The following SH3BGRL2 variants were observed in gnomAD, a reference collection of about 807,000 sequenced individuals.
SH3BGRL2 encodes SH3 domain-binding glutamic acid-rich-like protein 2.
In SH3BGRL2, 21 loss-of-function variants were observed where a neutral mutation model predicts 14.8. The observed-to-expected ratio is 1.42, with a 90% CI of 1.01 to 2.05. The LOEUF (loss-of-function observed/expected upper bound fraction) is 2.05, where lower values mean the gene tolerates loss of function less well. Ranked by LOEUF, SH3BGRL2 falls within the 30% of genes most tolerant of loss-of-function variation. The pLI, the probability that SH3BGRL2 is intolerant of heterozygous loss-of-function variation, is 0.00. For missense variants in SH3BGRL2, 147 were observed against 130.8 expected (o/e 1.12, Z -0.61); for synonymous variants, 50 against 47.8 (o/e 1.05, Z -0.19).
the SH3BGRL2 span, among the ~76,000 whole-genome samples, chr6:79,593,700 G>A: frequency 1.3e-5 from 2 of 152,174 alleles, no homozygotes; most frequent in African/African-American, 4.8e-5. Flanking sequence ...CATGGAAGCT[G>A]TGTGTTCTGA....
chr6:79,544,903 A>G, the SH3BGRL2 span, among the ~76,000 whole-genome samples: 2 of 152,236 alleles, frequency 1.3e-5, no homozygotes, highest in Admixed American at 6.5e-5. Flanking sequence ...TTAAATGTTT[A>G]AACTTTTAAA....
intron 2 of SH3BGRL2, among the ~76,000 whole-genome samples, chr6:79,695,874 C>G (rs1447561993): frequency 6.6e-6 from 1 of 152,116 alleles, no homozygotes; most frequent in African/African-American, 2.4e-5. Flanking sequence ...TCCTTGATGC[C>G]TTCTTGTGAA....
chr6:79,695,867 T>C (rs960830447), intron 2 of SH3BGRL2, among the ~76,000 whole-genome samples: 3 of 152,216 alleles, frequency 2.0e-5, no homozygotes, highest in African/African-American at 7.2e-5. Context: ...CCAGAATTCC[T>C]TGATGCCTTC....
the SH3BGRL2 span, among the ~76,000 whole-genome samples, chr6:79,607,945 C>CA: frequency 4.6e-5 from 7 of 151,228 alleles, no homozygotes; most frequent in East Asian, 1.9e-4. Context: ...GACTCCATCT[C>CA]AAAAAAAAGA....
rs146352272 is a variant in SH3BGRL2 at position 79,666,854 on chromosome 6, G to T, written c.46-6760G>T. Among the ~76,000 whole-genome samples, 668 of 152,326 alleles carry T rather than the reference G, an allele frequency of 4.4e-3. 12 individuals carry two copies. The highest frequency in any genetic ancestry group is 0.015 in the African/African-American group (615 of 41,568). ...CTGTGTGTTTGAAGTGTGAAAGCAG[G>T]TGAAATAAAGAACTGTTGTGTTGAA... is the stretch of plus-strand genomic sequence containing the variant. On this transcript the variant is annotated intron_variant, in intron 1 of 3. Transcript: ENST00000369838.
chr6:79,675,655 C>T (rs1447100514), intron 2 of SH3BGRL2, among the ~76,000 whole-genome samples: 2 of 151,814 alleles, frequency 1.3e-5, no homozygotes, highest in Non-Finnish European at 2.9e-5. Flanking sequence ...TCCACCTATT[C>T]GATTTTTGTT....
At position 79,703,527 on chromosome 6, in the gene SH3BGRL2, C is replaced by G. The variant is rs1770510375; in HGVS notation, c.*4018C>G. The G allele has an allele frequency of 6.6e-6, 1 of 152,194 alleles. No individual in the cohort carries two copies. Among genetic ancestry groups the G allele is most frequent in the Non-Finnish European group, 1.5e-5 (1 of 68,034 alleles). 9.4% of individuals were successfully genotyped at this position (152,194 alleles called of 1,614,324 possible). On this transcript the variant is annotated 3_prime_UTR_variant, in exon 4 of 4. Coordinates refer to ENST00000369838, the MANE Select transcript of SH3BGRL2 (RefSeq NM_031469.4). ...AGGTACCGTGTGCGGTTTCCTGAAC[C>G]TATCTCTATCCCTGTCTGATAGAGG...
At chr6:79,644,222 AAGG>A (rs1769085277) in intron 1 of SH3BGRL2, among the ~76,000 whole-genome samples, 2 of 152,168 alleles carry the variant, frequency 1.3e-5, no homozygotes, top group African/African-American at 4.8e-5. Context: ...TTGTGAGTGG[AAGG>A]AGTTTATCAA....
At chr6:79,538,071 A>G in the SH3BGRL2 span, among the ~76,000 whole-genome samples, 2 of 102,114 alleles carry the variant, frequency 2.0e-5, no homozygotes, top group African/African-American at 3.8e-5. Flanking sequence ...CGTTTTGAGG[A>G]GCATGTCAGC....
At position 79,647,205 on chromosome 6, in the gene SH3BGRL2, G is replaced by A. The variant is rs748484591; in HGVS notation, c.45+15699G>A. On this transcript the variant is annotated intron_variant, in intron 1 of 3. Transcript: ENST00000369838. ...TCTCTGGATCCTCTCCTACATTTGT[G>A]ATTATTTGTCTTTTTCATTGTAGCA... Among the ~76,000 whole-genome samples, 9 of 152,062 alleles carry A rather than the reference G, an allele frequency of 5.9e-5. No individual in the cohort carries two copies. The South Asian group carries it at 6.2e-4, about 11-fold the overall frequency.
chr6:79,674,151 A>C (rs1487245497), intron 2 of SH3BGRL2, among the ~76,000 whole-genome samples: 1 of 152,132 alleles, frequency 6.6e-6, no homozygotes, highest in African/African-American at 2.4e-5. Context: ...AAAAATAATC[A>C]TTTTAATTAT....
chr6:79,624,287 T>C, the SH3BGRL2 span, among the ~76,000 whole-genome samples: 1 of 149,802 alleles, frequency 6.7e-6, no homozygotes, highest in Non-Finnish European at 1.5e-5. Context: ...CATATATATA[T>C]CATCTATATA....
At position 79,631,508 on chromosome 6, in the gene SH3BGRL2, T is replaced by C; in HGVS notation, c.45+2T>C. On this transcript the variant is annotated splice_donor_variant, in intron 1 of 3. Coordinates refer to ENST00000369838, the MANE Select transcript of SH3BGRL2 (RefSeq NM_031469.4). LOFTEE classifies it high-confidence loss of function. ...GCCTCTTCCTCGGGCTTCGTGGCGGTGAGCGCGGTGGGGGCGGGCAGTAGG... is the reference window on the plus strand; with the variant it reads ...GCCTCTTCCTCGGGCTTCGTGGCGGCGAGCGCGGTGGGGGCGGGCAGTAGG... 6.8e-7 allele frequency: 1 copy of C among 1,468,350 alleles called. No homozygotes were observed. Among genetic ancestry groups the C allele is most frequent in the Non-Finnish European group, 9.1e-7 (1 of 1,104,678 alleles). 91.0% of individuals were successfully genotyped at this position (1,468,350 alleles called of 1,614,324 possible).
intron 1 of SH3BGRL2, among the ~76,000 whole-genome samples, chr6:79,670,755 C>G (rs913092317): frequency 6.6e-6 from 1 of 152,116 alleles, no homozygotes; most frequent in Admixed American, 6.6e-5. Flanking sequence ...AGGACCCAGG[C>G]TACTGTCTTT....
Position 79,673,690 on chromosome 6 carries a change from T to C in SH3BGRL2, c.122T>C (p.Met41Thr), listed in dbSNP as rs1769822155. Residue 41 changes from methionine (M) to threonine (T), a missense_variant, in exon 2 of 4, where the codon ATG (methionine) becomes ACG (threonine). Physicochemically the swap from Met to Thr is moderately conservative, Grantham distance 81. Coordinates refer to ENST00000369838, the MANE Select transcript of SH3BGRL2 (RefSeq NM_031469.4). Reference protein sequence around the residue: ...KIEFEEVDITMSEEQRQWMYK... With the variant: ...KIEFEEVDITTSEEQRQWMYK... ...GAGTTTGAGGAGGTGGATATCACAA[T>C]GTCAGAAGAACAGAGGCAATGGATG... is the stretch of plus-strand genomic sequence containing the variant. 1 of 1,614,126 alleles carries C rather than the reference T, an allele frequency of 6.2e-7. No homozygotes were observed. The highest frequency in any genetic ancestry group is 8.5e-7 in the Non-Finnish European group (1 of 1,180,030).
chr6:79,547,746 C>T, the SH3BGRL2 span, among the ~76,000 whole-genome samples: 3 of 152,106 alleles, frequency 2.0e-5, no homozygotes, highest in African/African-American at 7.2e-5. Context: ...AATGATGAGA[C>T]TCTGGAGTTC....
chr6:79,546,385 A>G, the SH3BGRL2 span, among the ~76,000 whole-genome samples: 3 of 152,160 alleles, frequency 2.0e-5, no homozygotes, highest in Non-Finnish European at 2.9e-5. Flanking sequence ...CATTCTCTAA[A>G]GAGCCATAAA....
chr6:79,633,728 G>A (rs1223471454), intron 1 of SH3BGRL2, among the ~76,000 whole-genome samples: 1 of 152,128 alleles, frequency 6.6e-6, no homozygotes, highest in Non-Finnish European at 1.5e-5. Flanking sequence ...GTTATTCATT[G>A]AGTCTCCCCA....
intron 1 of SH3BGRL2, among the ~76,000 whole-genome samples, chr6:79,661,973 A>AT (rs1027499191): frequency 6.7e-5 from 10 of 149,492 alleles, no homozygotes; most frequent in South Asian, 4.2e-4. Flanking sequence ...TTTATTTTTT[A>AT]TTTTTTTTGC....
Sources: gnomAD v4.1 joint callset for allele counts (sites outside exome capture counted in the v4.1 genomes callset) on GRCh38, gnomAD v4.1.1 for gene constraint, MANE v1.5 for transcripts, NCBI Gene and HGNC (gene_info 2026-07-23, HGNC 2026-07-21) for gene names.